IGSF21: variants seen among roughly 807,000 people sequenced by gnomAD.
IGSF21 encodes immunoglobulin superfamily member 21.
In IGSF21, 28 loss-of-function variants were observed where a neutral mutation model predicts 46.8. The observed-to-expected ratio is 0.60, with a 90% CI of 0.44 to 0.82. The LOEUF (loss-of-function observed/expected upper bound fraction) is 0.82, where lower values mean the gene tolerates loss of function less well. Ranked by LOEUF, IGSF21 falls within the 40% of genes least tolerant of loss-of-function variation. IGSF21 has a pLI of 0.00. For synonymous variants in IGSF21, 284 were observed against 273.6 expected, an observed-to-expected ratio of 1.04 and a Z score of -0.38; for missense variants, 624 against 665.5, an observed-to-expected ratio of 0.94 and a Z score of 0.69.
chr1:18,377,013 G>C (rs557875258), intron 8 of IGSF21, 21 bp downstream of exon 8: 1 of 1,574,170 alleles, frequency 6.4e-7, no homozygotes, highest in African/African-American at 1.4e-5. Flanking sequence ...CTCAACTGGG[G>C]ACTGGGAGAA....
chr1:18,125,115 G>A (rs562012609), intron 1 of IGSF21, among the ~76,000 whole-genome samples: 13 of 152,288 alleles, frequency 8.5e-5, no homozygotes, highest in Admixed American at 8.5e-4. Flanking sequence ...AAACTGGACA[G>A]GAGGCCCTGT....
chr1:18,176,302 A>T (rs1297392862), intron 1 of IGSF21: 1 of 152,256 alleles, frequency 6.6e-6, no homozygotes, highest in Non-Finnish European at 1.5e-5. Flanking sequence ...GCAAATGACG[A>T]GACACCTGGC....
chr1:18,114,789 G>C (rs911217720), intron 1 of IGSF21: 1 of 152,204 alleles, frequency 6.6e-6, no homozygotes, highest in Non-Finnish European at 1.5e-5. Flanking sequence ...GGCTGGACTG[G>C]AACCCAGATT....
intron 4 of IGSF21, among the ~76,000 whole-genome samples, chr1:18,341,325 T>C (rs1488791848): frequency 1.3e-5 from 2 of 152,104 alleles, no homozygotes; most frequent in Non-Finnish European, 2.9e-5. Context: ...CAGTGTGACC[T>C]CATCTTACCT....
At chr1:18,238,984 C>T (rs990967547) in intron 2 of IGSF21, among the ~76,000 whole-genome samples, 2 of 152,190 alleles carry the variant, frequency 1.3e-5, no homozygotes, top group Non-Finnish European at 2.9e-5. Context: ...AGACTCAGAG[C>T]TAATGGAAGA....
chr1:18,226,794 A>C (rs1466299825), intron 1 of IGSF21, among the ~76,000 whole-genome samples: 1 of 152,226 alleles, frequency 6.6e-6, no homozygotes, highest in African/African-American at 2.4e-5. Context: ...TTTCTCATTA[A>C]GACTATCGGA....
intron 2 of IGSF21, among the ~76,000 whole-genome samples, chr1:18,266,516 C>A (rs1286567865): frequency 6.6e-6 from 1 of 152,226 alleles, no homozygotes; most frequent in African/African-American, 2.4e-5. Flanking sequence ...GCTGTCCTCA[C>A]TGGGACAACA....
chr1:18,376,314 C>T lies in IGSF21; in HGVS notation c.1020C>T (p.Ala340=), dbSNP rs757853517. Residue 340 remains alanine, a synonymous_variant, in exon 7 of 10, where the codon GCC becomes GCT. Coordinates refer to ENST00000251296, the MANE Select transcript of IGSF21 (RefSeq NM_032880.5). ...MPMQAEVTLV[A]PKGPKIVMTP... is the part of the protein sequence containing the mutation. ...CTGGCCTTTCTCTCCCTACAGTTGC[C>T]CCCAAAGGACCCAAAATTGTGATGA... is the stretch of plus-strand genomic sequence containing the variant. The T allele has an allele frequency of 1.4e-5, 22 of 1,612,686 alleles. No homozygotes were observed. The East Asian group carries it at 4.0e-4, about 29-fold the overall frequency.
intron 2 of IGSF21, among the ~76,000 whole-genome samples, chr1:18,287,161 A>G (rs2085220238): frequency 7.2e-6 from 1 of 138,650 alleles, no homozygotes; most frequent in African/African-American, 2.6e-5. Flanking sequence ...AGCCTGGGCG[A>G]CAGAGCGAGA....
intron 1 of IGSF21, among the ~76,000 whole-genome samples, chr1:18,227,301 T>A (rs549633762): frequency 2.5e-4 from 38 of 152,070 alleles, no homozygotes; most frequent in African/African-American, 8.9e-4. Flanking sequence ...GTTTATGAGG[T>A]TGGAAATGGA....
intron 4 of IGSF21, among the ~76,000 whole-genome samples, chr1:18,350,221 G>A (rs1030757236): frequency 2.6e-5 from 4 of 152,222 alleles, no homozygotes; most frequent in African/African-American, 9.6e-5. Context: ...CCCATGGCCA[G>A]GATGCCTCAA....
In IGSF21 at chr1:18,322,501, G is replaced by A. The variant is rs909020788; in HGVS notation, c.306-12391G>A. 2.6e-5 allele frequency among the ~76,000 whole-genome samples: 4 copies of A among 152,072 alleles called. No individual in the cohort carries two copies. Among genetic ancestry groups the A allele is most frequent in the South Asian group, 2.1e-4 (1 of 4,824 alleles). ...CAATCACGAACGATAGGAAGGAGGC[G>A]GCGAGCTCAGCCACGGGCCCAGCCT... is the stretch of plus-strand genomic sequence containing the variant. On this transcript the variant is annotated intron_variant, in intron 3 of 9. Transcript: ENST00000251296. The surrounding 1 kb of genome is among the most constrained non-coding windows in gnomAD (Gnocchi z 4.3).
At chr1:18,128,886 AC>A (rs1425910462) in intron 1 of IGSF21, among the ~76,000 whole-genome samples, 4 of 151,566 alleles carry the variant, frequency 2.6e-5, no homozygotes, top group Non-Finnish European at 5.9e-5. Context: ...TTCACCTTGA[AC>A]CCCAGGATAC....
chr1:18,115,390 C>G (rs2086179251), intron 1 of IGSF21: 1 of 152,258 alleles, frequency 6.6e-6, no homozygotes. Context: ...CCCTCCTGAA[C>G]AGAGCTATTG....
chr1:18,303,458 C>A (rs2085380665), intron 3 of IGSF21, among the ~76,000 whole-genome samples: 1 of 152,168 alleles, frequency 6.6e-6, no homozygotes, highest in Admixed American at 6.5e-5. Context: ...CTGGGGTCAC[C>A]TGTTCCCACC....
chr1:18,163,595 G>A (rs2086649297), intron 1 of IGSF21, among the ~76,000 whole-genome samples: 1 of 152,174 alleles, frequency 6.6e-6, no homozygotes, highest in African/African-American at 2.4e-5. Flanking sequence ...CAGGAGACAA[G>A]GCTCCTGAGA....
chr1:18,121,618 G>A (rs1303564491), intron 1 of IGSF21, among the ~76,000 whole-genome samples: 3 of 152,094 alleles, frequency 2.0e-5, no homozygotes, highest in Non-Finnish European at 2.9e-5. Flanking sequence ...ACCTGCCCTC[G>A]CCGACATGCC....
chr1:18,231,696 C>A (rs1203410558), intron 2 of IGSF21, among the ~76,000 whole-genome samples: 6 of 152,158 alleles, frequency 3.9e-5, no homozygotes, highest in Non-Finnish European at 8.8e-5. Flanking sequence ...CTGGTGGCCT[C>A]CATATTGGAC....
chr1:18,316,763 T>C (rs777082890), intron 3 of IGSF21, among the ~76,000 whole-genome samples: 5 of 152,228 alleles, frequency 3.3e-5, no homozygotes, highest in Non-Finnish European at 5.9e-5. Context: ...TAGTACATAA[T>C]ATAGTCATAC....
Sources: allele counts gnomAD v4.1 joint callset (sites outside exome capture counted in the v4.1 genomes callset), GRCh38; gene constraint gnomAD v4.1.1; non-coding constraint Gnocchi (gnomAD v3.1); transcripts MANE v1.5; gene names NCBI Gene and HGNC (gene_info 2026-07-23, HGNC 2026-07-21).